The following MAPK8 variants were observed in gnomAD, a reference collection of about 807,000 sequenced individuals.
The protein encoded by MAPK8 is mitogen-activated protein kinase 8, also known as JUN N-terminal kinase.
MAPK8 carries 13 observed loss-of-function variants against 52.9 expected under a neutral mutation model. The ratio of observed to expected loss-of-function variants is 0.25; its 90% confidence interval spans 0.16 to 0.39. MAPK8 has a LOEUF of 0.39. Among genes scored for constraint, MAPK8 ranks in the 10% least tolerant of loss-of-function variants. The pLI, the probability that MAPK8 is intolerant of heterozygous loss-of-function variation, is 1.00. For missense variants in MAPK8, 300 were observed against 519.2 expected (o/e 0.58, Z 4.10); for synonymous variants, 191 against 169.8 (o/e 1.12, Z -0.97).
intron 1 of MAPK8, among the ~76,000 whole-genome samples, chr10:48,338,182 T>C (rs141077323): frequency 6.6e-6 from 1 of 152,188 alleles, no homozygotes; most frequent in East Asian, 1.9e-4. Context: ...GCATCCCTGA[T>C]GAAGATAGAG....
At chr10:48,432,492 C>G (rs2044396558) in intron 11 of MAPK8, among the ~76,000 whole-genome samples, 1 of 152,044 alleles carries the variant, frequency 6.6e-6, no homozygotes, top group Non-Finnish European at 1.5e-5. Flanking sequence ...ATGGCCTTTT[C>G]TCTACAATTT....
Position 48,426,472 on chromosome 10 carries a change from A to C in MAPK8, c.964A>C (p.Asn322His). ...VDEALQHPYI[N>H]VWYDPSEAEA... ...TGAAGCTCTCCAACACCCGTACATC[A>C]ATGTCTGGTATGATCCTTCTGAAGC... Residue 322 changes from asparagine to histidine, a missense_variant, in exon 9 of 12, where the codon AAT becomes CAT. Asn to His is a moderately conservative substitution (Grantham distance 68). Coordinates refer to ENST00000374189, the MANE Select transcript of MAPK8 (RefSeq NM_001323329.2). The C allele has an allele frequency of 4.3e-6, 7 of 1,612,072 alleles. No individual in the cohort carries two copies. The highest frequency in any genetic ancestry group is 5.9e-6 in the Non-Finnish European group (7 of 1,179,256).
intron 1 of MAPK8, among the ~76,000 whole-genome samples, chr10:48,344,081 T>G (rs1415976431): frequency 2.0e-5 from 3 of 152,220 alleles, no homozygotes; most frequent in Admixed American, 6.5e-5. Flanking sequence ...CAGGATTTAC[T>G]TAAGGAATGC....
chr10:48,377,994 AGGGAGAAT>A (rs1409965624), intron 1 of MAPK8, among the ~76,000 whole-genome samples: 1 of 152,198 alleles, frequency 6.6e-6, no homozygotes, highest in African/African-American at 2.4e-5. Flanking sequence ...ATTTACCTCA[AGGGAGAAT>A]GAGGCATGAC....
chr10:48,316,184 A>T (rs555535545), intron 1 of MAPK8, among the ~76,000 whole-genome samples: 1 of 152,234 alleles, frequency 6.6e-6, no homozygotes, highest in Non-Finnish European at 1.5e-5. Context: ...TACAGACCAC[A>T]TATGTGACAG....
intron 1 of MAPK8, among the ~76,000 whole-genome samples, chr10:48,336,193 T>C (rs1279786173): frequency 2.6e-5 from 4 of 152,118 alleles, no homozygotes; most frequent in African/African-American, 9.7e-5. Flanking sequence ...AGATTATCAG[T>C]ATGTGGAGTG....
chr10:48,347,947 G>A (rs1845945154), intron 1 of MAPK8, among the ~76,000 whole-genome samples: 1 of 152,148 alleles, frequency 6.6e-6, no homozygotes, highest in African/African-American at 2.4e-5. Context: ...GGTGTTTCTG[G>A]TTCTACATCC....
intron 1 of MAPK8, among the ~76,000 whole-genome samples, chr10:48,351,272 A>T (rs1352289039): frequency 3.1e-5 from 4 of 129,510 alleles, no homozygotes; most frequent in Non-Finnish European, 4.7e-5. Flanking sequence ...ATAACTTTGA[A>T]TTTTTTTTTT....
chr10:48,311,291 A>T (rs1841963651), intron 1 of MAPK8, among the ~76,000 whole-genome samples: 1 of 152,202 alleles, frequency 6.6e-6, no homozygotes. Flanking sequence ...AATTCTCCAG[A>T]ATATGCCATT....
At chr10:48,319,390 A>G (rs140127504) in intron 1 of MAPK8, among the ~76,000 whole-genome samples, 1 of 152,230 alleles carries the variant, frequency 6.6e-6, no homozygotes, top group African/African-American at 2.4e-5. Context: ...CATACTCACT[A>G]GCAGTCACTC....
Position 48,404,847 on chromosome 10 carries a change from T to C in MAPK8, c.123-5T>C, listed in dbSNP as rs1279854933. 2 of 1,586,830 alleles carry C rather than the reference T, an allele frequency of 1.3e-6. No individual in the cohort carries two copies. The highest frequency in any genetic ancestry group is 1.7e-6 in the Non-Finnish European group (2 of 1,169,832). On this transcript the variant is annotated splice_polypyrimidine_tract_variant and splice_region_variant and intron_variant, in intron 2 of 11. Coordinates refer to ENST00000374189, the MANE Select transcript of MAPK8 (RefSeq NM_001323329.2). ...TTTTGTGTGTTTTTGAATTTCTTATTACAGCGCAGCTTATGATGCCATTCT... is the reference window on the plus strand; with the variant it reads ...TTTTGTGTGTTTTTGAATTTCTTATCACAGCGCAGCTTATGATGCCATTCT...
intron 1 of MAPK8, among the ~76,000 whole-genome samples, chr10:48,311,169 TAGATACA>T (rs761528666): frequency 2.6e-5 from 4 of 152,200 alleles, no homozygotes; most frequent in Non-Finnish European, 5.9e-5. Flanking sequence ...GCTGGAATGC[TAGATACA>T]AGTATTCAGG....
intron 1 of MAPK8, among the ~76,000 whole-genome samples, chr10:48,360,096 G>C (rs902989011): frequency 6.6e-6 from 1 of 152,140 alleles, no homozygotes; most frequent in Non-Finnish European, 1.5e-5. Flanking sequence ...GAACCTGGGA[G>C]ATGTAGGTTG....
chr10:48,368,240 GT>G (rs1848241641), intron 1 of MAPK8, among the ~76,000 whole-genome samples: 1 of 152,224 alleles, frequency 6.6e-6, no homozygotes, highest in Admixed American at 6.5e-5. Flanking sequence ...ACCCTTACAT[GT>G]GTTTTAGTCC....
chr10:48,372,539 T>C (rs1234912280), intron 1 of MAPK8, among the ~76,000 whole-genome samples: 4 of 152,002 alleles, frequency 2.6e-5, no homozygotes, highest in African/African-American at 9.7e-5. Context: ...AATGACCTGA[T>C]GGAACTGAAA....
At chr10:48,425,828 A>T in intron 7 of MAPK8, 60 bp from the exon 8 acceptor site, 1 of 255,436 alleles carries the variant, frequency 3.9e-6, no homozygotes, top group South Asian at 4.7e-5. Context: ...TTGTAATATG[A>T]ATATGACTAA....
chr10:48,428,711 T>C (rs1234074655), intron 10 of MAPK8, among the ~76,000 whole-genome samples: 3 of 152,244 alleles, frequency 2.0e-5, no homozygotes, highest in Non-Finnish European at 2.9e-5. Context: ...AAGATATAGC[T>C]CTGTACTGAG....
intron 3 of MAPK8, among the ~76,000 whole-genome samples, chr10:48,408,695 A>G (rs1589221101): frequency 6.6e-6 from 1 of 152,324 alleles, no homozygotes; most frequent in East Asian, 1.9e-4. Context: ...CTGGATTTGT[A>G]GAAAACCATC....
intron 1 of MAPK8, among the ~76,000 whole-genome samples, chr10:48,395,526 A>G (rs1417988720): frequency 6.6e-6 from 1 of 152,096 alleles, no homozygotes; most frequent in Non-Finnish European, 1.5e-5. Flanking sequence ...CTGTGAAAGA[A>G]AAAATAAACC....
Sources: allele counts gnomAD v4.1 joint callset (sites outside exome capture counted in the v4.1 genomes callset), GRCh38; gene constraint gnomAD v4.1.1; transcripts MANE v1.5; gene names NCBI Gene and HGNC (gene_info 2026-07-23, HGNC 2026-07-21).